Variants in WDR27 observed in about 807,000 individuals in gnomAD.
WDR27 encodes WD repeat domain 27, also known as WD repeat-containing protein 27.
In WDR27, 100 loss-of-function variants were observed where a neutral mutation model predicts 114.4. The observed-to-expected ratio is 0.87, with a 90% confidence interval of 0.74 to 1.03. WDR27 has a LOEUF of 1.03. Ranked by LOEUF, WDR27 falls within the 50% of genes least tolerant of loss-of-function variation. The pLI is 0.00. For missense variants in WDR27, 1,129 were observed against 1,092.9 expected (o/e 1.03, Z -0.47); for synonymous variants, 449 against 423.1 (o/e 1.06, Z -0.75).
intron 25 of WDR27, among the ~76,000 whole-genome samples, chr6:169,516,959 T>C (rs1375088477): frequency 1.3e-5 from 2 of 152,072 alleles, no homozygotes; most frequent in Non-Finnish European, 2.9e-5. Flanking sequence ...GACTGTATTT[T>C]GCAATGTGAG....
At chr6:169,607,763 T>C (rs1055667318) in intron 22 of WDR27, among the ~76,000 whole-genome samples, 24 of 152,212 alleles carry the variant, frequency 1.6e-4, no homozygotes, top group African/African-American at 5.8e-4. Flanking sequence ...CACTTGCACC[T>C]CCTAAATATA....
chr6:169,578,466 A>G (rs753240334), intron 24 of WDR27, among the ~76,000 whole-genome samples: 14 of 152,340 alleles, frequency 9.2e-5, no homozygotes, highest in Non-Finnish European at 1.9e-4. Context: ...AGAACTTTAA[A>G]ATAAATATTT....
chr6:169,539,912 A>C (rs926559608), intron 25 of WDR27, among the ~76,000 whole-genome samples: 1 of 152,196 alleles, frequency 6.6e-6, no homozygotes, highest in South Asian at 2.1e-4. Flanking sequence ...CTCTCTCTGA[A>C]AAATGAGTCC....
the WDR27 span, among the ~76,000 whole-genome samples, chr6:169,429,919 A>G: frequency 3.5e-4 from 53 of 152,260 alleles, no homozygotes; most frequent in Middle Eastern, 3.4e-3. Flanking sequence ...TTTACCAGGT[A>G]TTTGCCACGG....
intron 14 of WDR27, among the ~76,000 whole-genome samples, chr6:169,650,063 C>T (rs1445468007): frequency 6.7e-5 from 10 of 148,444 alleles, no homozygotes; most frequent in African/African-American, 2.5e-4. Flanking sequence ...CCTCCATCAC[C>T]TCCATCTACT....
At chr6:169,542,555 G>A (rs1023994802) in intron 25 of WDR27, among the ~76,000 whole-genome samples, 9 of 152,096 alleles carry the variant, frequency 5.9e-5, no homozygotes, top group African/African-American at 2.2e-4. Context: ...TCATCCTGAA[G>A]AGGAAAATGG....
At chr6:169,602,394 A>T in intron 22 of WDR27, 73 bp from the exon 23 acceptor site, 1 of 962,130 alleles carries the variant, frequency 1.0e-6, no homozygotes, top group Non-Finnish European at 1.6e-6. Flanking sequence ...AAAGAAAACA[A>T]CTTGTTGCTT....
intron 25 of WDR27, among the ~76,000 whole-genome samples, chr6:169,525,453 A>G (rs975578363): frequency 1.3e-5 from 2 of 150,168 alleles, no homozygotes; most frequent in Admixed American, 6.7e-5. Flanking sequence ...GGAGAATGGC[A>G]TGAACCCGGG....
intron 18 of WDR27, 68 bp from the exon 19 acceptor site, chr6:169,636,572 T>C: frequency 6.9e-7 from 1 of 1,447,702 alleles, no homozygotes; most frequent in South Asian, 1.4e-5. Flanking sequence ...GCTCTAAACA[T>C]AAAATTATTT....
chr6:169,493,553 T>C (rs566820369), intron 25 of WDR27, among the ~76,000 whole-genome samples: 3 of 152,174 alleles, frequency 2.0e-5, no homozygotes, highest in Admixed American at 6.5e-5. Context: ...CCTGTTTTTC[T>C]CCATTTCCAC....
intron 25 of WDR27, among the ~76,000 whole-genome samples, chr6:169,513,899 C>A (rs1793267467): frequency 6.6e-6 from 1 of 152,010 alleles, no homozygotes; most frequent in Non-Finnish European, 1.5e-5. Context: ...CTAGACAGTA[C>A]AGGAGGAAAA....
At chr6:169,616,695 C>A (rs1811898818) in intron 21 of WDR27, among the ~76,000 whole-genome samples, 1 of 151,982 alleles carries the variant, frequency 6.6e-6, no homozygotes, top group Admixed American at 6.6e-5. Context: ...TTCTCACACA[C>A]CTATGTAATA....
At chr6:169,564,412 A>G (rs1800132229) in intron 25 of WDR27, among the ~76,000 whole-genome samples, 1 of 152,194 alleles carries the variant, frequency 6.6e-6, no homozygotes, top group East Asian at 1.9e-4. Context: ...CAGCCAGGAC[A>G]ATACTTTGCG....
chr6:169,495,097 A>G (rs1790230705), intron 25 of WDR27, among the ~76,000 whole-genome samples: 1 of 152,198 alleles, frequency 6.6e-6, no homozygotes, highest in South Asian at 2.1e-4. Context: ...AACATACATA[A>G]ATTAAAAGAG....
rs1825432036 is a variant in WDR27 at position 169,659,658 on chromosome 6, GTGC to G, written c.1130-143_1130-141del. 2.7e-6 allele frequency: 2 copies of G among 751,606 alleles called. No homozygotes were observed. The highest frequency in any genetic ancestry group is 2.7e-5 in the East Asian group (1 of 37,046). The allele number at this position is 751,606 out of a possible 1,614,324, so 46.6% of individuals were successfully genotyped here. A position where few individuals can be genotyped will look rare whatever the true frequency, so the allele number is the denominator to read the frequency against. ...GGCCCCACCACACACTTTGCAGGCTGTGCACCACATCCTCACACATACAAGGCC... is the reference window on the plus strand; with the variant it reads ...GGCCCCACCACACACTTTGCAGGCTGACCACATCCTCACACATACAAGGCC... On this transcript the variant is annotated intron_variant, in intron 10 of 25. Transcript: ENST00000448612. This position sits in a 1 kb window ranked among gnomAD's most constrained non-coding sequence, Gnocchi z 4.3.
intron 25 of WDR27, among the ~76,000 whole-genome samples, chr6:169,514,758 A>ATAT (rs1491217973): frequency 2.2e-5 from 1 of 45,894 alleles, no homozygotes; most frequent in African/African-American, 4.2e-4. Context: ...AAAAAAGAGA[A>ATAT]TATATATATA....
intron 25 of WDR27, among the ~76,000 whole-genome samples, chr6:169,543,950 T>C (rs1232484081): frequency 6.6e-6 from 1 of 152,198 alleles, no homozygotes; most frequent in Non-Finnish European, 1.5e-5. Flanking sequence ...TATTGACATA[T>C]TACATTATAC....
chr6:169,460,601 T>C (rs1341352400), intron 25 of WDR27, among the ~76,000 whole-genome samples: 1 of 152,102 alleles, frequency 6.6e-6, no homozygotes, highest in Non-Finnish European at 1.5e-5. Context: ...CAGTAATTAG[T>C]TTAAATGTAA....
chr6:169,620,611 C>A (rs950736095), intron 21 of WDR27, among the ~76,000 whole-genome samples: 1 of 152,184 alleles, frequency 6.6e-6, no homozygotes, highest in Non-Finnish European at 1.5e-5. Flanking sequence ...CTGACTGAAC[C>A]AAAGTACATG....
Sources: allele counts gnomAD v4.1 joint callset (sites outside exome capture counted in the v4.1 genomes callset), GRCh38; gene constraint gnomAD v4.1.1; non-coding constraint Gnocchi (gnomAD v3.1); transcripts MANE v1.5; gene names NCBI Gene and HGNC (gene_info 2026-07-23, HGNC 2026-07-21).